ADGRB1: variants seen among roughly 807,000 people sequenced by gnomAD.
ADGRB1 encodes adhesion G protein-coupled receptor B1.
A neutral mutation model predicts 175.7 loss-of-function variants in ADGRB1; 36 were observed. That is an observed-to-expected ratio of 0.20 (90% CI 0.16 to 0.27). The LOEUF is 0.27. Among genes scored for constraint, ADGRB1 ranks in the 10% least tolerant of loss-of-function variants. ADGRB1 has a pLI of 1.00. For synonymous variants in ADGRB1, 1,054 were observed against 979.4 expected, an observed-to-expected ratio of 1.08 and a Z score of -1.42; for missense variants, 1,731 against 2,255.3, an observed-to-expected ratio of 0.77 and a Z score of 4.71.
At chr8:142,483,148 T>C (rs1453918549) in intron 11 of ADGRB1, among the ~76,000 whole-genome samples, 5 of 125,040 alleles carry the variant, frequency 4.0e-5, no homozygotes, top group Non-Finnish European at 6.6e-5. Context: ...TGAACCCTGA[T>C]CCTGGTCACA....
intron 18 of ADGRB1, among the ~76,000 whole-genome samples, chr8:142,517,821 G>A (rs977920731): frequency 6.6e-6 from 1 of 152,180 alleles, no homozygotes; most frequent in East Asian, 1.9e-4. Context: ...TGGGGCTGGC[G>A]CCTGCCTGGA....
chr8:142,523,787 G>A (rs1226868213), intron 22 of ADGRB1, among the ~76,000 whole-genome samples: 3 of 135,736 alleles, frequency 2.2e-5, no homozygotes, highest in Non-Finnish European at 4.8e-5. Context: ...GAGGGGGGTG[G>A]GGAGGGGGCA....
rs1040070739 is a variant in ADGRB1, at chr8:142,510,412, G to A, written c.2676-520G>A. Among the ~76,000 whole-genome samples, 22 of 151,938 alleles carry A rather than the reference G, an allele frequency of 1.4e-4. No individual in the cohort carries two copies. The highest frequency in any genetic ancestry group is 4.1e-4 in the South Asian group (2 of 4,836). On this transcript the variant is annotated intron_variant, in intron 17 of 30. Transcript: ENST00000517894. The surrounding 1 kb of genome is among the most constrained non-coding windows in gnomAD (Gnocchi z 6.3). ...GGTCCCAAGGTCGTCAGCTCCAGCCGGCGCCCTGGGCCGCGGGGCCGGAGA... is the reference window on the plus strand; with the variant it reads ...GGTCCCAAGGTCGTCAGCTCCAGCCAGCGCCCTGGGCCGCGGGGCCGGAGA...
intron 17 of ADGRB1, among the ~76,000 whole-genome samples, chr8:142,500,195 C>A (rs1450045441): frequency 1.3e-5 from 2 of 151,044 alleles, no homozygotes; most frequent in Non-Finnish European, 3.0e-5. Context: ...TTCGCCCCCG[C>A]CCCACACCGC....
intron 1 of ADGRB1, among the ~76,000 whole-genome samples, chr8:142,450,766 C>CT (rs550867570): frequency 9.9e-4 from 151 of 152,306 alleles, no homozygotes; most frequent in African/African-American, 3.2e-3. Context: ...TGGAGGTACT[C>CT]TCCCCCACTT....
At position 142,477,096 on chromosome 8, in the gene ADGRB1, C is replaced by T; in HGVS notation, c.1058-18C>T. 6.5e-7 allele frequency: 1 copy of T among 1,537,034 alleles called. No homozygotes were observed. ...CCCCATGGGCGGCAGGCCTGTGACG[C>T]TGTAGTGGGGCCTGCAGGTGACCCA... is the stretch of plus-strand genomic sequence containing the variant. On this transcript the variant is annotated intron_variant, in intron 4 of 30. Transcript: ENST00000517894.
chr8:142,484,884 C>T (rs1841580536), intron 13 of ADGRB1, 120 bp downstream of exon 13: 2 of 745,940 alleles, frequency 2.7e-6, no homozygotes, highest in Non-Finnish European at 4.3e-6. Context: ...TTTGTGGGCC[C>T]TCCCAGCCGA....
chr8:142,533,643 C>T (rs190698490), intron 25 of ADGRB1, among the ~76,000 whole-genome samples, 177 bp downstream of exon 25: 81 of 152,178 alleles, frequency 5.3e-4, no homozygotes, highest in Middle Eastern at 3.4e-3. Context: ...TGAGCGTGTC[C>T]ACCCCACTCT....
intron 16 of ADGRB1, 65 bp downstream of exon 16, chr8:142,489,503 C>G: frequency 6.5e-7 from 1 of 1,533,426 alleles, no homozygotes; most frequent in Non-Finnish European, 9.0e-7. Flanking sequence ...TTCTGTCCCA[C>G]TCCTCAGCCA....
At chr8:142,539,484 TG>T (rs928898393) in intron 27 of ADGRB1, 71 bp downstream of exon 27, 1 of 1,544,314 alleles carries the variant, frequency 6.5e-7, no homozygotes, top group Admixed American at 1.9e-5. Flanking sequence ...CGCCTCCGCC[TG>T]TGCCTCCCCC....
intron 7 of ADGRB1, 117 bp downstream of exon 7, chr8:142,478,477 G>A (rs1487761280): frequency 1.6e-6 from 2 of 1,234,322 alleles, no homozygotes; most frequent in Non-Finnish European, 2.2e-6. Context: ...GACTGAGGAG[G>A]GAGTGGGGTG....
At chr8:142,482,382 T>C (rs1191427880) in intron 11 of ADGRB1, among the ~76,000 whole-genome samples, 2 of 135,528 alleles carry the variant, frequency 1.5e-5, no homozygotes, top group East Asian at 4.9e-4. Context: ...TGAGCCCTGA[T>C]TCTGGTTACA....
Position 142,543,149 on chromosome 8 carries a change from C to T in ADGRB1, c.4414-254C>T, listed in dbSNP as rs1046089289. ...CCATGTGGCCCCAAGTTCAGGTCTC[C>T]TTGATCCTGGGGAGTGTGTCCCGGG... On this transcript the variant is annotated intron_variant, in intron 28 of 30. Transcript: ENST00000517894. The surrounding 1 kb of genome is among the most constrained non-coding windows in gnomAD (Gnocchi z 4.4). 6.4e-4 allele frequency among the ~76,000 whole-genome samples: 97 copies of T among 152,292 alleles called. No individual in the cohort carries two copies. The highest frequency in any genetic ancestry group is 2.1e-3 in the African/African-American group (88 of 41,576).
chr8:142,466,371 C>A (rs572855695), intron 2 of ADGRB1, among the ~76,000 whole-genome samples: 66 of 152,348 alleles, frequency 4.3e-4, no homozygotes, highest in Non-Finnish European at 7.8e-4. Context: ...CATGGTTCTA[C>A]CCACAACACG....
At position 142,511,546 on chromosome 8, in the gene ADGRB1, G is replaced by T. The variant is rs978267997; in HGVS notation, c.2817+473G>T. ...CCCAAGTAGAGCCTGGTCCGTGGAG[G>T]AGGAGGTGGCGGTGGCCCCAGGCAG... On this transcript the variant is annotated intron_variant, in intron 18 of 30. Coordinates refer to ENST00000517894, the MANE Select transcript of ADGRB1 (RefSeq NM_001702.3). The surrounding 1 kb of genome is among the most constrained non-coding windows in gnomAD (Gnocchi z 4.5). Among the ~76,000 whole-genome samples, 15 of 152,216 alleles carry T rather than the reference G, an allele frequency of 9.9e-5. No individual in the cohort carries two copies. The highest frequency in any genetic ancestry group is 1.9e-4 in the Non-Finnish European group (13 of 68,022).
chr8:142,541,817 G>C, intron 27 of ADGRB1, 124 bp from the exon 28 acceptor site: 1 of 1,060,766 alleles, frequency 9.4e-7, no homozygotes, highest in Non-Finnish European at 1.3e-6. Context: ...AGCAGGACCT[G>C]GCCAGGGTCT....
chr8:142,498,105 C>G (rs1842309232), intron 17 of ADGRB1, among the ~76,000 whole-genome samples: 1 of 152,160 alleles, frequency 6.6e-6, no homozygotes, highest in African/African-American at 2.4e-5. Context: ...TGTCCCTGCC[C>G]AGTGCCCTCT....
At chr8:142,460,469 A>G (rs1480421419) in intron 1 of ADGRB1, among the ~76,000 whole-genome samples, 1 of 152,192 alleles carries the variant, frequency 6.6e-6, no homozygotes, top group African/African-American at 2.4e-5. Context: ...GGCGGGGAGC[A>G]GCTCAGTCCG....
At chr8:142,454,202 A>G (rs1036325516) in intron 1 of ADGRB1, among the ~76,000 whole-genome samples, 2 of 152,166 alleles carry the variant, frequency 1.3e-5, no homozygotes, top group African/African-American at 2.4e-5. Flanking sequence ...CCACGCCCAC[A>G]GCTGCACTGC....
Sources: gnomAD v4.1 joint callset for allele counts (sites outside exome capture counted in the v4.1 genomes callset) on GRCh38, gnomAD v4.1.1 for gene constraint, Gnocchi (gnomAD v3.1) non-coding constraint, MANE v1.5 for transcripts, NCBI Gene and HGNC (gene_info 2026-07-23, HGNC 2026-07-21) for gene names.